Variants in GAS7 observed in about 807,000 individuals in gnomAD.
GAS7 encodes growth arrest-specific protein 7.
A neutral mutation model predicts 71.1 loss-of-function variants in GAS7; 28 were observed. The ratio of observed to expected loss-of-function variants is 0.39; its 90% CI spans 0.29 to 0.54. The LOEUF (loss-of-function observed/expected upper bound fraction) is 0.54, where lower values mean the gene tolerates loss of function less well. Ranked by LOEUF, GAS7 falls within the 20% of genes least tolerant of loss-of-function variation. The pLI, the probability that GAS7 is intolerant of heterozygous loss-of-function variation, is 0.62. For missense variants in GAS7, 436 were observed against 627.8 expected, an observed-to-expected ratio of 0.69 and a Z score of 3.27; for synonymous variants, 258 against 245.8, an observed-to-expected ratio of 1.05 and a Z score of -0.46.
intron 1 of GAS7, among the ~76,000 whole-genome samples, chr17:10,147,443 A>T (rs2074130225): frequency 6.6e-6 from 1 of 152,182 alleles, no homozygotes; most frequent in Non-Finnish European, 1.5e-5. Flanking sequence ...CTGATTTCTA[A>T]AATACGCAGA....
chr17:9,981,975 A>C lies in GAS7; in HGVS notation c.305-91T>G, dbSNP rs1397579903. The C allele has an allele frequency of 1.1e-5, 8 of 757,046 alleles. No individual in the cohort carries two copies. Among genetic ancestry groups the C allele is most frequent in the Admixed American group, 2.0e-5 (1 of 50,806 alleles). The allele number at this position is 757,046 out of a possible 1,614,324, so 46.9% of individuals were successfully genotyped here. A position where few individuals can be genotyped will look rare whatever the true frequency, so the allele number is the denominator to read the frequency against. On this transcript the variant is annotated intron_variant, in intron 2 of 13. Transcript: ENST00000432992. The surrounding 1 kb of genome is among the most constrained non-coding windows in gnomAD (Gnocchi z 4.4). ...AGCAGAAGGAGATGCTCAGAGCTGG[A>C]GAAAAAGAGAGACAGCCAATCGCCC... is the stretch of plus-strand genomic sequence containing the variant.
At position 9,934,505 on chromosome 17, in the gene GAS7, G is replaced by A. The variant is rs2068324806; in HGVS notation, c.807-261C>T. Among the ~76,000 whole-genome samples the A allele has an allele frequency of 5.3e-5, 8 of 152,196 alleles. No individual in the cohort carries two copies. The South Asian group carries it at 1.7e-3, about 32-fold the overall frequency. The stretch of plus-strand genomic sequence containing the variant: ...TGGCGCACAGCCAAGAGGTGGGGGG[G>A]GTGGGGATTCCTAGAAATCCAGAGG... On this transcript the variant is annotated intron_variant, in intron 8 of 13. Coordinates refer to ENST00000432992, the MANE Select transcript of GAS7 (RefSeq NM_201433.2).
In GAS7 at chr17:9,912,089, G is replaced by C; in HGVS notation, c.*5139C>G. 4.3e-6 allele frequency: 1 copy of C among 232,282 alleles called. No individual in the cohort carries two copies. Among genetic ancestry groups the C allele is most frequent in the Non-Finnish European group, 8.5e-6 (1 of 117,468 alleles). The allele number at this position is 232,282 out of a possible 1,614,324, so 14.4% of individuals were successfully genotyped here. ...GTAGACTCCAGAACATACTATCAAAGATCGACGAATGAGATCCAAACGGTC... is the reference window on the plus strand; with the variant it reads ...GTAGACTCCAGAACATACTATCAAACATCGACGAATGAGATCCAAACGGTC... On this transcript the variant is annotated 3_prime_UTR_variant, in exon 14 of 14. Transcript: ENST00000432992.
chr17:10,152,919 T>C (rs2074177237), intron 1 of GAS7, among the ~76,000 whole-genome samples: 1 of 151,168 alleles, frequency 6.6e-6, no homozygotes, highest in African/African-American at 2.4e-5. Flanking sequence ...GAAACCTGGC[T>C]GGGCACAGTG....
rs77835719 is a variant in GAS7, at chr17:10,065,235, G to T, written c.184-45338C>A. On this transcript the variant is annotated intron_variant, in intron 1 of 13. Coordinates refer to ENST00000432992, the MANE Select transcript of GAS7 (RefSeq NM_201433.2). ...AAAGCAGGGAGAATTTAGAGATTTG[G>T]TTCCTTTCTTGAGCCTGCACTTGTG... Among the ~76,000 whole-genome samples the T allele has an allele frequency of 6.6e-5, 10 of 152,314 alleles. No homozygotes were observed. In the East Asian group the frequency reaches 1.9e-3, roughly 29 times the overall value.
At chr17:10,187,903 A>T (rs1484235832) in intron 1 of GAS7, among the ~76,000 whole-genome samples, 1 of 152,222 alleles carries the variant, frequency 6.6e-6, no homozygotes, top group Non-Finnish European at 1.5e-5. Context: ...TTTTTGCCTC[A>T]CTGTGAGGAG....
intron 1 of GAS7, among the ~76,000 whole-genome samples, chr17:10,148,531 T>C (rs1288868225): frequency 6.7e-6 from 1 of 149,422 alleles, no homozygotes. Context: ...GACAGGAGAA[T>C]TACTCGAACC....
At chr17:10,196,643 A>T (rs118050150) in intron 1 of GAS7, among the ~76,000 whole-genome samples, 1 of 152,088 alleles carries the variant, frequency 6.6e-6, no homozygotes, top group Non-Finnish European at 1.5e-5. Context: ...TCACCCCTAC[A>T]CAAAACACAG....
At chr17:10,006,966 T>C (rs1567883746) in intron 2 of GAS7, among the ~76,000 whole-genome samples, 1 of 152,230 alleles carries the variant, frequency 6.6e-6, no homozygotes, top group South Asian at 2.1e-4. Flanking sequence ...TGTTTATGAT[T>C]ATATAACCTT....
In GAS7 at chr17:10,025,648, C is replaced by T. The variant is rs558676292; in HGVS notation, c.184-5751G>A. Among the ~76,000 whole-genome samples, 5 of 152,060 alleles carry T rather than the reference C, an allele frequency of 3.3e-5. No homozygotes were observed. In the South Asian group the frequency reaches 1.0e-3, roughly 32 times the overall value. On this transcript the variant is annotated intron_variant, in intron 1 of 13. Coordinates refer to ENST00000432992, the MANE Select transcript of GAS7 (RefSeq NM_201433.2). ...TTACAGAGATCAAAAACAAATCCCC[C>T]CACAGCAGTGTTTTTCAAAGTATGG...
chr17:9,977,186 C>A (rs1180784072), intron 3 of GAS7, among the ~76,000 whole-genome samples: 1 of 152,118 alleles, frequency 6.6e-6, no homozygotes, highest in Non-Finnish European at 1.5e-5. Context: ...AAATTGTTCC[C>A]CAAATTTTAA....
At chr17:9,943,400 G>A (rs2068678285) in intron 6 of GAS7, among the ~76,000 whole-genome samples, 164 bp from the exon 7 acceptor site, 1 of 151,998 alleles carries the variant, frequency 6.6e-6, no homozygotes, top group South Asian at 2.1e-4. Context: ...CTCTCTCCTG[G>A]TGCCCCCACT....
At chr17:9,996,125 G>A (rs765051001) in intron 2 of GAS7, among the ~76,000 whole-genome samples, 3 of 152,156 alleles carry the variant, frequency 2.0e-5, no homozygotes, top group African/African-American at 4.8e-5. Context: ...ACATGCACAC[G>A]TACGTTTATT....
At chr17:10,036,381 A>T in intron 1 of GAS7, 1 of 1,396,380 alleles carries the variant, frequency 7.2e-7, no homozygotes, top group Non-Finnish European at 1.0e-6. Context: ...AGAAACATGC[A>T]GAGAAAAGCA....
chr17:9,955,806 C>T (rs1489613885), intron 5 of GAS7, among the ~76,000 whole-genome samples: 1 of 152,218 alleles, frequency 6.6e-6, no homozygotes, highest in East Asian at 1.9e-4. Flanking sequence ...TCACTTCCCC[C>T]GAGACCAGTG....
At chr17:9,927,290 TACACACACACACACAC>T (rs371084335) in intron 9 of GAS7, among the ~76,000 whole-genome samples, 48 of 116,936 alleles carry the variant, frequency 4.1e-4, no homozygotes, top group African/African-American at 9.7e-4. Flanking sequence ...CTCTACTACA[TACACACACACACACAC>T]ACACACACAC....
intron 1 of GAS7, among the ~76,000 whole-genome samples, chr17:10,154,413 A>G (rs568700940): frequency 4.5e-4 from 68 of 152,146 alleles, no homozygotes; most frequent in Middle Eastern, 3.4e-3. Flanking sequence ...CCAAGGTGGG[A>G]GGATTGCTTG....
At chr17:10,068,171 AAAGAGGG>A (rs2073302273) in intron 1 of GAS7, among the ~76,000 whole-genome samples, 1 of 152,170 alleles carries the variant, frequency 6.6e-6, no homozygotes, top group Non-Finnish European at 1.5e-5. Flanking sequence ...ACAGCACCCC[AAAGAGGG>A]ACAGGCACCC....
intron 1 of GAS7, among the ~76,000 whole-genome samples, chr17:10,179,101 G>T (rs562048088): frequency 2.0e-5 from 3 of 152,146 alleles, no homozygotes; most frequent in Non-Finnish European, 1.5e-5. Context: ...AGGCTGAGGT[G>T]GGCGGATCAC....
Sources: gnomAD v4.1 joint callset for allele counts (sites outside exome capture counted in the v4.1 genomes callset) on GRCh38, gnomAD v4.1.1 for gene constraint, Gnocchi (gnomAD v3.1) non-coding constraint, MANE v1.5 for transcripts, NCBI Gene and HGNC (gene_info 2026-07-23, HGNC 2026-07-21) for gene names.